MB21D2: variants seen among roughly 807,000 people sequenced by gnomAD.
MB21D2 encodes Mab-21 domain containing 2.
In MB21D2, 9 loss-of-function variants were observed where a neutral mutation model predicts 33.3. The observed-to-expected ratio is 0.27, with a 90% CI of 0.16 to 0.47. MB21D2 has a LOEUF of 0.47. Ranked by LOEUF, MB21D2 falls within the 20% of genes least tolerant of loss-of-function variation. The pLI is 0.99. For synonymous variants in MB21D2, 241 were observed against 236.3 expected, an observed-to-expected ratio of 1.02 and a Z score of -0.18; for missense variants, 540 against 624.6, an observed-to-expected ratio of 0.86 and a Z score of 1.44.
chr3:192,847,253 CAT>C (rs1312582026), intron 1 of MB21D2, among the ~76,000 whole-genome samples: 4 of 152,166 alleles, frequency 2.6e-5, no homozygotes, highest in Non-Finnish European at 4.4e-5. Context: ...CATGTAAAGG[CAT>C]AGTTTCTCCA....
intron 1 of MB21D2, among the ~76,000 whole-genome samples, chr3:192,884,623 T>C (rs1475838437): frequency 6.6e-6 from 1 of 152,094 alleles, no homozygotes; most frequent in East Asian, 1.9e-4. Context: ...CGCCTTGGCC[T>C]CCCAAAGTGC....
chr3:192,862,431 T>C (rs1277143551), intron 1 of MB21D2, among the ~76,000 whole-genome samples: 1 of 152,182 alleles, frequency 6.6e-6, no homozygotes, highest in African/African-American at 2.4e-5. Flanking sequence ...ATAATAATTC[T>C]CAGAAAGCTG....
intron 1 of MB21D2, among the ~76,000 whole-genome samples, chr3:192,884,961 T>C (rs1240131923): frequency 6.6e-6 from 1 of 152,116 alleles, no homozygotes; most frequent in Non-Finnish European, 1.5e-5. Context: ...GAAGCAATTC[T>C]TCTGCTACAT....
chr3:192,809,183 T>C (rs1370199286), intron 1 of MB21D2, among the ~76,000 whole-genome samples: 2 of 151,986 alleles, frequency 1.3e-5, no homozygotes, highest in Non-Finnish European at 1.5e-5. Context: ...GCAACCTCCA[T>C]CTCCCTGGCT....
chr3:192,907,253 T>G (rs188773417), intron 1 of MB21D2, among the ~76,000 whole-genome samples: 2 of 152,282 alleles, frequency 1.3e-5, no homozygotes, highest in East Asian at 3.9e-4. Context: ...GGGCAAGGCC[T>G]AAAAATCAGA....
chr3:192,901,413 C>CAAAAAAAAA (rs71635401), intron 1 of MB21D2, among the ~76,000 whole-genome samples: 34 of 100,868 alleles, frequency 3.4e-4, no homozygotes, highest in Non-Finnish European at 4.4e-4. Flanking sequence ...ACTAAAAATT[C>CAAAAAAAAA]AAAAAAAAAA....
chr3:192,881,866 T>C lies in MB21D2; in HGVS notation c.211+35764A>G, dbSNP rs111634469. On this transcript the variant is annotated intron_variant, in intron 1 of 1. Transcript: ENST00000392452. ...TTATCTGTTCTTGTCCCCAAAAGTA[T>C]TGAACTCTGGTTGTCATTCTCTGTG... Among the ~76,000 whole-genome samples, 900 of 152,256 alleles carry C rather than the reference T, an allele frequency of 5.9e-3. 22 individuals are homozygous for C. The highest frequency in any genetic ancestry group is 0.021 in the African/African-American group (863 of 41,496).
In MB21D2 at chr3:192,828,718, G is replaced by A. The variant is rs1186061382; in HGVS notation, c.212-29068C>T. Among the ~76,000 whole-genome samples the A allele has an allele frequency of 2.1e-5, 3 of 142,512 alleles. 1 individual carries two copies. Among genetic ancestry groups the A allele is most frequent in the African/African-American group, 5.1e-5 (2 of 39,004 alleles). The allele number at this position is 142,512 out of a possible 152,430, so 93.5% of individuals were successfully genotyped here. A position where few individuals can be genotyped will look rare whatever the true frequency, so the allele number is the denominator to read the frequency against. On this transcript the variant is annotated intron_variant, in intron 1 of 1. Transcript: ENST00000392452. Reference sequence around the variant, plus strand: ...GGCTAGAGCGCAGTGGTGCAATCTCGGCTCACTGCAGGCTGCGCCTCCCAG... The same window carrying A: ...GGCTAGAGCGCAGTGGTGCAATCTCAGCTCACTGCAGGCTGCGCCTCCCAG...
chr3:192,812,197 G>A (rs1260926585), intron 1 of MB21D2, among the ~76,000 whole-genome samples: 6 of 151,952 alleles, frequency 3.9e-5, no homozygotes, highest in African/African-American at 1.5e-4. Context: ...ACAGATGTGC[G>A]CCACCACGCC....
chr3:192,850,164 C>A (rs1247838456), intron 1 of MB21D2, among the ~76,000 whole-genome samples: 1 of 151,942 alleles, frequency 6.6e-6, no homozygotes, highest in Non-Finnish European at 1.5e-5. Context: ...ATGATCCACC[C>A]GCCTCGGCCT....
chr3:192,857,547 C>T (rs917471658), intron 1 of MB21D2, among the ~76,000 whole-genome samples: 1 of 152,122 alleles, frequency 6.6e-6, no homozygotes, highest in Non-Finnish European at 1.5e-5. Context: ...TTTCAGCGTG[C>T]GCATCTTGCC....
intron 1 of MB21D2, among the ~76,000 whole-genome samples, chr3:192,838,030 A>G (rs993369416): frequency 5.3e-5 from 8 of 152,262 alleles, no homozygotes; most frequent in African/African-American, 9.6e-5. Context: ...GCAGAGCTGC[A>G]TATCTCCTGC....
intron 1 of MB21D2, among the ~76,000 whole-genome samples, chr3:192,893,532 G>A (rs1713899765): frequency 6.6e-6 from 1 of 152,184 alleles, no homozygotes; most frequent in Admixed American, 6.5e-5. Flanking sequence ...AGTGACAGAA[G>A]AAGGCTGCCA....
intron 1 of MB21D2, among the ~76,000 whole-genome samples, chr3:192,895,611 T>TA (rs1387912392): frequency 5.9e-5 from 9 of 152,218 alleles, no homozygotes; most frequent in Non-Finnish European, 1.0e-4. Flanking sequence ...AGAAAACTAT[T>TA]AAAGAAAAAG....
chr3:192,880,553 T>G (rs1713538262), intron 1 of MB21D2, among the ~76,000 whole-genome samples: 1 of 151,990 alleles, frequency 6.6e-6, no homozygotes, highest in Non-Finnish European at 1.5e-5. Flanking sequence ...ACTCCAACCT[T>G]GCCTGTCACC....
At chr3:192,856,741 TG>T (rs1712926918) in intron 1 of MB21D2, among the ~76,000 whole-genome samples, 1 of 151,962 alleles carries the variant, frequency 6.6e-6, no homozygotes, top group African/African-American at 2.4e-5. Flanking sequence ...TTTGTAGAGG[TG>T]GGGTTTCACC....
At chr3:192,891,272 G>A (rs941502474) in intron 1 of MB21D2, among the ~76,000 whole-genome samples, 5 of 152,260 alleles carry the variant, frequency 3.3e-5, no homozygotes, top group South Asian at 2.1e-4. Flanking sequence ...ATTGAAGGCC[G>A]AAACAGGACA....
At chr3:192,854,206 A>G (rs1712870568) in intron 1 of MB21D2, among the ~76,000 whole-genome samples, 1 of 152,244 alleles carries the variant, frequency 6.6e-6, no homozygotes, top group Non-Finnish European at 1.5e-5. Flanking sequence ...CAGTTCGCCT[A>G]GCTGTGGATG....
rs757333900 is a variant in MB21D2 at position 192,917,710 on chromosome 3, G to A, written c.131C>T (p.Thr44Met). ...EELNKLIQEFTKHDQREYDDQ... is the reference protein window; with the variant it reads ...EELNKLIQEFMKHDQREYDDQ... Reference sequence around the variant, plus strand: ...GTCGTATTCCCGCTGGTCGTGCTTCGTAAATTCTTGGATGAGTTTGTTCAA... The same window carrying A: ...GTCGTATTCCCGCTGGTCGTGCTTCATAAATTCTTGGATGAGTTTGTTCAA... The change falls in exon 1 of 2, where the codon ACG becomes ATG. Residue 44 changes from threonine (T) to methionine (M), a missense_variant. Coordinates refer to ENST00000392452, the MANE Select transcript of MB21D2 (RefSeq NM_178496.4). 21 of 1,614,024 alleles carry A rather than the reference G, an allele frequency of 1.3e-5. No individual in the cohort carries two copies. Among genetic ancestry groups the A allele is most frequent in the Admixed American group, 1.7e-5 (1 of 60,012 alleles).
Sources: gnomAD v4.1 joint callset for allele counts (sites outside exome capture counted in the v4.1 genomes callset) on GRCh38, gnomAD v4.1.1 for gene constraint, MANE v1.5 for transcripts, NCBI Gene and HGNC (gene_info 2026-07-23, HGNC 2026-07-21) for gene names.